Variants in WDR88 observed in about 807,000 individuals in gnomAD.
WDR88 encodes the protein WD repeat-containing protein 88.
In WDR88, 40 loss-of-function variants were observed where a neutral mutation model predicts 46.8. The observed-to-expected ratio is 0.86, with a 90% CI of 0.66 to 1.11. WDR88 has a LOEUF of 1.11. Among genes scored for constraint, WDR88 ranks in the 50% most tolerant of loss-of-function variants. The probability of loss-of-function intolerance (pLI) is 0.00; values close to 1 mark genes in which losing one functional copy is unlikely to be tolerated. For synonymous variants in WDR88, 235 were observed against 240.7 expected, an observed-to-expected ratio of 0.98 and a Z score of 0.22; for missense variants, 562 against 602.4, an observed-to-expected ratio of 0.93 and a Z score of 0.70.
rs144976700 is a variant in WDR88, at chr19:33,168,188, C to T, written c.1149+3923C>T. On this transcript the variant is annotated intron_variant, in intron 9 of 10. Transcript: ENST00000355868. ...GATTACAGGCATGTGCCACCATGCT[C>T]GGCTAATTTTTGCATTTTTACTAGA... Among the ~76,000 whole-genome samples, 1,289 of 152,008 alleles carry T rather than the reference C, an allele frequency of 8.5e-3. 13 individuals carry two copies. Among genetic ancestry groups the T allele is most frequent in the African/African-American group, 0.03 (1,245 of 41,454 alleles).
chr19:33,168,808 TAA>T (rs985575821), intron 9 of WDR88, among the ~76,000 whole-genome samples: 1 of 151,522 alleles, frequency 6.6e-6, no homozygotes, highest in African/African-American at 2.4e-5. Context: ...AGGAGAAGAA[TAA>T]GAGGGAGAAG....
chr19:33,147,545 G>C, intron 3 of WDR88, 100 bp from the exon 4 acceptor site: 1 of 1,151,750 alleles, frequency 8.7e-7, no homozygotes, highest in South Asian at 1.4e-5. Flanking sequence ...GGAGGTTGCA[G>C]TGAGCCGGTA....
chr19:33,168,206 T>C (rs1050046946), intron 9 of WDR88, among the ~76,000 whole-genome samples: 2 of 151,804 alleles, frequency 1.3e-5, no homozygotes, highest in Non-Finnish European at 2.9e-5. Context: ...TTTTGCATTT[T>C]TACTAGAGAT....
At chr19:33,140,123 C>A (rs1973359356) in intron 2 of WDR88, among the ~76,000 whole-genome samples, 1 of 152,132 alleles carries the variant, frequency 6.6e-6, no homozygotes, top group African/African-American at 2.4e-5. Flanking sequence ...AGCCTCACCC[C>A]CACAGCCCAC....
rs537218718 is a variant in WDR88, at chr19:33,165,232, G to A, written c.1149+967G>A. ...CTAACAGGCCACAGACTGGGGGGTC[G>A]GGGACCCCTTTATTTGAGCATGTCA... On this transcript the variant is annotated intron_variant, in intron 9 of 10. Coordinates refer to ENST00000355868, the MANE Select transcript of WDR88 (RefSeq NM_173479.4). Among the ~76,000 whole-genome samples, 22 of 152,170 alleles carry A rather than the reference G, an allele frequency of 1.4e-4. No homozygotes were observed. The South Asian group carries it at 2.9e-3, about 20-fold the overall frequency.
chr19:33,164,268 A>G lies in WDR88; in HGVS notation c.1149+3A>G, dbSNP rs1225999925. 4 of 1,613,118 alleles carry G rather than the reference A, an allele frequency of 2.5e-6. No homozygotes were observed. Among genetic ancestry groups the G allele is most frequent in the Non-Finnish European group, 3.4e-6 (4 of 1,179,094 alleles). ...AATGGATCCTGTCTGCTTCCAAGGT[A>G]AAAGTGGTCAAGCTTACAATATCGA... On this transcript the variant is annotated splice_donor_region_variant and intron_variant, in intron 9 of 10. Coordinates refer to ENST00000355868, the MANE Select transcript of WDR88 (RefSeq NM_173479.4).
chr19:33,135,005 T>G (rs930384976), intron 1 of WDR88, among the ~76,000 whole-genome samples: 8 of 129,030 alleles, frequency 6.2e-5, no homozygotes, highest in African/African-American at 2.1e-4. Flanking sequence ...CCCCCACACT[T>G]CCGCAGCTCA....
At position 33,158,122 on chromosome 19, in the gene WDR88, GGGT is replaced by G. The variant is rs1384186974; in HGVS notation, c.997+1582_997+1584del. 3.3e-5 allele frequency among the ~76,000 whole-genome samples: 5 copies of G among 152,240 alleles called. No homozygotes were observed. In the East Asian group the frequency reaches 9.7e-4, roughly 29 times the overall value. On this transcript the variant is annotated intron_variant, in intron 7 of 10. Transcript: ENST00000355868. ...GCTAGCCAGCTCCAGGGAGGGAAGT[GGGT>G]GCTCTTGACACTCAGGAGCCAAACA...
intron 10 of WDR88, chr19:33,174,366 T>C: frequency 4.9e-6 from 7 of 1,436,846 alleles, no homozygotes; most frequent in Non-Finnish European, 5.5e-6. Flanking sequence ...GCCCAGGGGC[T>C]GGGAGAGCCA....
intron 7 of WDR88, among the ~76,000 whole-genome samples, chr19:33,158,383 G>C (rs183930274): frequency 6.6e-6 from 1 of 151,802 alleles, no homozygotes; most frequent in East Asian, 1.9e-4. Context: ...GTGCCACTGC[G>C]CTCCTACACT....
intron 3 of WDR88, among the ~76,000 whole-genome samples, chr19:33,146,676 C>G (rs1294305104): frequency 6.6e-6 from 1 of 152,102 alleles, no homozygotes; most frequent in Non-Finnish European, 1.5e-5. Context: ...CACCACCATG[C>G]CTGGCTAATT....
chr19:33,140,359 T>A (rs1238319290), intron 2 of WDR88, among the ~76,000 whole-genome samples: 5 of 152,136 alleles, frequency 3.3e-5, no homozygotes, highest in African/African-American at 1.2e-4. Context: ...AGGGTCTTGC[T>A]ACATTGCCCA....
At chr19:33,174,736 T>G (rs1335590539) in intron 10 of WDR88, 1 of 985,280 alleles carries the variant, frequency 1.0e-6, no homozygotes, top group Non-Finnish European at 1.2e-6. Flanking sequence ...CACAGAACAA[T>G]GGATGGGGCG....
chr19:33,157,734 TATA>T (rs1973788600), intron 7 of WDR88, among the ~76,000 whole-genome samples: 1 of 50,914 alleles, frequency 2.0e-5, no homozygotes, highest in Non-Finnish European at 2.8e-5. Flanking sequence ...TATATATATA[TATA>T]AAATTAAAGA....
At chr19:33,166,328 G>A (rs983831797) in intron 9 of WDR88, among the ~76,000 whole-genome samples, 4 of 148,566 alleles carry the variant, frequency 2.7e-5, no homozygotes, top group African/African-American at 5.0e-5. Flanking sequence ...GGCCACTCAC[G>A]TCTGTAATCC....
chr19:33,132,504 G>A (rs761573436), intron 1 of WDR88, 59 bp downstream of exon 1: 5 of 1,587,952 alleles, frequency 3.1e-6, no homozygotes, highest in Non-Finnish European at 1.7e-6. Context: ...GGAGGAAGGC[G>A]CTCGAGCTGT....
intron 9 of WDR88, 114 bp from the exon 10 acceptor site, chr19:33,172,234 T>C: frequency 3.6e-6 from 3 of 834,454 alleles, no homozygotes; most frequent in Non-Finnish European, 5.8e-6. Context: ...GCATTGAAGG[T>C]TCCTCTGTCT....
At chr19:33,151,398 T>C in intron 6 of WDR88, 88 bp downstream of exon 6, 2 of 1,492,600 alleles carry the variant, frequency 1.3e-6, no homozygotes, top group African/African-American at 1.4e-5. Flanking sequence ...CCAGCATCCA[T>C]GTGGACACGT....
In WDR88 at chr19:33,172,239, C is replaced by T. The variant is rs1208509446; in HGVS notation, c.1150-109C>T. The T allele has an allele frequency of 2.0e-5, 18 of 892,396 alleles. No individual in the cohort carries two copies. In the Admixed American group the frequency reaches 4.0e-4, roughly 20 times the overall value. 55.3% of individuals were successfully genotyped at this position (892,396 alleles called of 1,614,324 possible). ...ATAACAATGTGCATTGAAGGTTCCT[C>T]TGTCTTTTTGTGCCTTGACAGCCCA... On this transcript the variant is annotated intron_variant, in intron 9 of 10. Transcript: ENST00000355868.
Sources: gnomAD v4.1 joint callset for allele counts (sites outside exome capture counted in the v4.1 genomes callset) on GRCh38, gnomAD v4.1.1 for gene constraint, MANE v1.5 for transcripts, NCBI Gene and HGNC (gene_info 2026-07-23, HGNC 2026-07-21) for gene names.